RGS21: variants seen among roughly 807,000 people sequenced by gnomAD.
RGS21 encodes the protein regulator of G protein signaling 21.
In RGS21, 19 loss-of-function variants were observed where a neutral mutation model predicts 18.7. The observed-to-expected ratio is 1.01, with a 90% CI of 0.71 to 1.49. The LOEUF is 1.49. Ranked by LOEUF, RGS21 falls within the 40% of genes most tolerant of loss-of-function variation. The pLI, the probability that RGS21 is intolerant of heterozygous loss-of-function variation, is 0.00. For synonymous variants in RGS21, 56 were observed against 57.8 expected (o/e 0.97, Z 0.14); for missense variants, 194 against 176.8 (o/e 1.10, Z -0.55).
chr1:192,350,864 A>T (rs759641523), intron 3 of RGS21, among the ~76,000 whole-genome samples: 2 of 152,184 alleles, frequency 1.3e-5, no homozygotes, highest in Non-Finnish European at 2.9e-5. Flanking sequence ...GATGAGGAAA[A>T]TAGAGAAGGA....
At chr1:192,321,719 T>C (rs1464176220) in intron 1 of RGS21, among the ~76,000 whole-genome samples, 1 of 152,022 alleles carries the variant, frequency 6.6e-6, no homozygotes, top group Non-Finnish European at 1.5e-5. Context: ...ATAAATCAAA[T>C]TATTTTCTCA....
intron 2 of RGS21, 29 bp downstream of exon 2, chr1:192,343,076 CT>C: frequency 6.2e-7 from 1 of 1,607,574 alleles, no homozygotes; most frequent in Admixed American, 1.7e-5. Flanking sequence ...CTATTTTTAT[CT>C]CAGAAGATGT....
chr1:192,324,670 AAC>A (rs981361272), intron 1 of RGS21, among the ~76,000 whole-genome samples: 14 of 152,006 alleles, frequency 9.2e-5, no homozygotes, highest in Non-Finnish European at 1.5e-4. Flanking sequence ...ATAATTATAA[AAC>A]ACACACACAC....
chr1:192,334,899 C>T (rs1658743022), intron 1 of RGS21, among the ~76,000 whole-genome samples: 1 of 152,108 alleles, frequency 6.6e-6, no homozygotes, highest in Non-Finnish European at 1.5e-5. Context: ...ATCCACTTGT[C>T]ACTTATGTCA....
intron 1 of RGS21, among the ~76,000 whole-genome samples, chr1:192,339,422 G>A (rs542949160): frequency 8.5e-5 from 13 of 152,116 alleles, no homozygotes; most frequent in African/African-American, 2.9e-4. Context: ...CTTTGAATAT[G>A]CCTATGAAAT....
chr1:192,333,653 AAAAG>A, intron 1 of RGS21, among the ~76,000 whole-genome samples: 1 of 142,064 alleles, frequency 7.0e-6, no homozygotes, highest in African/African-American at 2.7e-5. Flanking sequence ...AAAAAAAAAA[AAAAG>A]AGATGAGTGG....
rs200448667 is a variant in RGS21 at position 192,359,782 on chromosome 1, C to CTATA, written c.256-6128_256-6125dup. The stretch of plus-strand genomic sequence containing the variant: ...TATATGTAACTTTCTCTCTCTCTCT[C>CTATA]TATATATATATATACACATAGTAAG... On this transcript the variant is annotated intron_variant, in intron 4 of 4. Transcript: ENST00000417209. Among the ~76,000 whole-genome samples the CTATA allele has an allele frequency of 3.7e-4, 54 of 145,192 alleles. 1 individual carries two copies. Among genetic ancestry groups the CTATA allele is most frequent in the African/African-American group, 9.4e-4 (37 of 39,344 alleles).
chr1:192,353,493 C>G (rs1659072346), intron 4 of RGS21, among the ~76,000 whole-genome samples: 1 of 151,734 alleles, frequency 6.6e-6, no homozygotes, highest in Non-Finnish European at 1.5e-5. Context: ...GAAATTAACC[C>G]TAAAGATATC....
chr1:192,343,993 C>A (rs1321261950), intron 2 of RGS21, among the ~76,000 whole-genome samples: 1 of 151,966 alleles, frequency 6.6e-6, no homozygotes, highest in African/African-American at 2.4e-5. Context: ...TCTTTCTTAA[C>A]ATTTATATAG....
chr1:192,352,958 T>C (rs1202228093), intron 4 of RGS21, among the ~76,000 whole-genome samples: 1 of 152,090 alleles, frequency 6.6e-6, no homozygotes, highest in Non-Finnish European at 1.5e-5. Context: ...GATTTCTTGC[T>C]GAATATATTA....
intron 1 of RGS21, among the ~76,000 whole-genome samples, chr1:192,318,243 A>G (rs1658446892): frequency 6.6e-6 from 1 of 152,122 alleles, no homozygotes; most frequent in Admixed American, 6.6e-5. Context: ...AGGGGACACT[A>G]TAATTTTCTA....
Position 192,316,993 on chromosome 1 carries a change from T to C in RGS21, c.-173T>C, listed in dbSNP as rs1390554116. The C allele has an allele frequency of 6.6e-6, 1 of 151,886 alleles. No individual in the cohort carries two copies. Among genetic ancestry groups the C allele is most frequent in the Non-Finnish European group, 1.5e-5 (1 of 67,844 alleles). 9.4% of individuals were successfully genotyped at this position (151,886 alleles called of 1,614,324 possible). A position where few individuals can be genotyped will look rare whatever the true frequency, so the allele number is the denominator to read the frequency against. On this transcript the variant is annotated 5_prime_UTR_variant, in exon 1 of 5. Transcript: ENST00000417209. ...TAGAGAGTATGTTAATATAGAAAAGTTACCACTTGGAAAACAATTCATCTG... is the reference window on the plus strand; with the variant it reads ...TAGAGAGTATGTTAATATAGAAAAGCTACCACTTGGAAAACAATTCATCTG...
chr1:192,331,813 T>G (rs969522701), intron 1 of RGS21, among the ~76,000 whole-genome samples: 4 of 151,984 alleles, frequency 2.6e-5, no homozygotes, highest in Non-Finnish European at 5.9e-5. Flanking sequence ...TCTCTACTTT[T>G]GTTAAAAGAT....
intron 1 of RGS21, among the ~76,000 whole-genome samples, chr1:192,331,156 C>T (rs928894806): frequency 2.4e-4 from 36 of 152,098 alleles, no homozygotes; most frequent in African/African-American, 4.1e-4. Flanking sequence ...TGTTAATGTC[C>T]GGCTGTATGC....
At chr1:192,328,128 G>A (rs1032509155) in intron 1 of RGS21, among the ~76,000 whole-genome samples, 7 of 152,132 alleles carry the variant, frequency 4.6e-5, no homozygotes, top group Non-Finnish European at 7.4e-5. Context: ...ATACAGGGCC[G>A]CGTGCATCTC....
intron 4 of RGS21, among the ~76,000 whole-genome samples, chr1:192,362,307 A>G (rs924714615): frequency 2.6e-5 from 4 of 152,224 alleles, no homozygotes; most frequent in African/African-American, 9.6e-5. Context: ...AAAAAGAGGT[A>G]TCAGATAAAT....
chr1:192,332,917 T>C (rs1185916854), intron 1 of RGS21, among the ~76,000 whole-genome samples: 1 of 151,382 alleles, frequency 6.6e-6, no homozygotes, highest in African/African-American at 2.4e-5. Context: ...GATACTCTCC[T>C]CCTATCCAAA....
At chr1:192,347,266 C>A in intron 2 of RGS21, 47 bp from the exon 3 acceptor site, 1 of 1,116,328 alleles carries the variant, frequency 9.0e-7, no homozygotes, top group Non-Finnish European at 1.4e-6. Flanking sequence ...TCGAATATTA[C>A]TATTGGTTAA....
chr1:192,332,405 T>C (rs975321529), intron 1 of RGS21, among the ~76,000 whole-genome samples: 1 of 152,188 alleles, frequency 6.6e-6, no homozygotes, highest in African/African-American at 2.4e-5. Flanking sequence ...CAATTGAATA[T>C]CAATAGGCAA....
Sources: gnomAD v4.1 joint callset for allele counts (sites outside exome capture counted in the v4.1 genomes callset) on GRCh38, gnomAD v4.1.1 for gene constraint, MANE v1.5 for transcripts, NCBI Gene and HGNC (gene_info 2026-07-23, HGNC 2026-07-21) for gene names.